LRRC28: variants seen among roughly 807,000 people sequenced by gnomAD.
LRRC28 encodes leucine rich repeat containing 28.
Under a neutral mutation model 45.7 loss-of-function variants are expected in LRRC28, and 39 were observed. The observed-to-expected ratio is 0.85, with a 90% CI of 0.66 to 1.12. The LOEUF (loss-of-function observed/expected upper bound fraction) is 1.12. Among genes scored for constraint, LRRC28 ranks in the 50% most tolerant of loss-of-function variants. LRRC28 has a pLI of 0.00. For synonymous variants in LRRC28, 206 were observed against 178.8 expected (o/e 1.15, Z -1.22); for missense variants, 435 against 438.5 (o/e 0.99, Z 0.07).
chr15:99,255,962 C>T lies in LRRC28; in HGVS notation c.5C>T (p.Ala2Val), dbSNP rs539126226. Residue 2 changes from alanine (A) to valine (V), a missense_variant, in exon 2 of 10, where the codon GCG becomes GTG. Ala to Val is a moderately conservative substitution (Grantham distance 64, BLOSUM62 0). Transcript: ENST00000301981. MASELCKTISVA... is the reference protein window; with the variant it reads MVSELCKTISVA... ...CCTGATGGGATATATTCAGTCATGG[C>T]GTCCGAACTTTGTAAGACGATCTCT... 8 of 1,611,526 alleles carry T rather than the reference C, an allele frequency of 5.0e-6. No homozygotes were observed. The highest frequency in any genetic ancestry group is 5.1e-6 in the Non-Finnish European group (6 of 1,179,662).
In LRRC28 at chr15:99,259,079, G is replaced by C. The variant is rs2081113854; in HGVS notation, c.168+2954G>C. The C allele has an allele frequency of 2.8e-6, 3 of 1,073,344 alleles. No individual in the cohort carries two copies. In the East Asian group the frequency reaches 7.1e-5, roughly 25 times the overall value. 66.5% of individuals were successfully genotyped at this position (1,073,344 alleles called of 1,614,324 possible). On this transcript the variant is annotated intron_variant, in intron 2 of 9. Transcript: ENST00000301981. ...CAATGATACTTTTTGGAAAGAATTTGGTACCAACATTAAGCTTGGTGTAAT... is the reference window on the plus strand; with the variant it reads ...CAATGATACTTTTTGGAAAGAATTTCGTACCAACATTAAGCTTGGTGTAAT...
intron 5 of LRRC28, among the ~76,000 whole-genome samples, chr15:99,309,421 T>A (rs1384558941): frequency 6.6e-6 from 1 of 152,196 alleles, no homozygotes; most frequent in East Asian, 1.9e-4. Context: ...TTTTTTTTCT[T>A]TTTTTGAGAT....
intron 9 of LRRC28, among the ~76,000 whole-genome samples, chr15:99,371,334 A>T (rs528769403): frequency 6.6e-6 from 1 of 152,238 alleles, no homozygotes; most frequent in Non-Finnish European, 1.5e-5. Flanking sequence ...TCTTTCAGGA[A>T]TTCTTGGTCT....
chr15:99,341,081 G>C (rs555280558), intron 6 of LRRC28, among the ~76,000 whole-genome samples: 2 of 127,046 alleles, frequency 1.6e-5, no homozygotes, highest in Non-Finnish European at 3.2e-5. Flanking sequence ...CTATTCTACT[G>C]TCTTTTTTTT....
Position 99,388,433 on chromosome 15 carries a change from C to T in LRRC28, c.*2331C>T, listed in dbSNP as rs1204610763. The T allele has an allele frequency of 6.6e-6, 1 of 152,248 alleles. No homozygotes were observed. The highest frequency in any genetic ancestry group is 2.4e-5 in the African/African-American group (1 of 41,462). 9.4% of individuals were successfully genotyped at this position (152,248 alleles called of 1,614,324 possible). ...TTATGAACTACGGTGTGTTAAACAA[C>T]AGCAGTGGGCTGGGCAGACAACCTT... On this transcript the variant is annotated 3_prime_UTR_variant, in exon 10 of 10. Transcript: ENST00000301981.
chr15:99,374,471 A>G (rs1957568172), intron 9 of LRRC28, among the ~76,000 whole-genome samples: 1 of 152,136 alleles, frequency 6.6e-6, no homozygotes, highest in African/African-American at 2.4e-5. Context: ...CTGAACTGGC[A>G]TATTAGTTCT....
intron 6 of LRRC28, among the ~76,000 whole-genome samples, chr15:99,341,043 T>C (rs1956489884): frequency 6.6e-6 from 1 of 151,944 alleles, no homozygotes; most frequent in East Asian, 1.9e-4. Context: ...AACTCTTCTT[T>C]ATCCTTGTTC....
At chr15:99,361,217 T>C (rs1957190187) in intron 7 of LRRC28, 119 bp from the exon 8 acceptor site, 14 of 1,226,188 alleles carry the variant, frequency 1.1e-5, no homozygotes, top group Non-Finnish European at 1.6e-5. Context: ...TTGAAAAGAA[T>C]TCTGGCAATT....
At chr15:99,343,304 C>G (rs1212508433) in intron 6 of LRRC28, among the ~76,000 whole-genome samples, 1 of 152,198 alleles carries the variant, frequency 6.6e-6, no homozygotes, top group Non-Finnish European at 1.5e-5. Flanking sequence ...AACACAGATC[C>G]TGTTCTGTCC....
chr15:99,339,714 GAA>G (rs552093424), intron 6 of LRRC28, among the ~76,000 whole-genome samples: 2 of 134,138 alleles, frequency 1.5e-5, no homozygotes, highest in African/African-American at 2.7e-5. Context: ...AACAGAGTGA[GAA>G]AAAAAAAAAA....
intron 5 of LRRC28, among the ~76,000 whole-genome samples, chr15:99,314,361 T>C (rs1186877676): frequency 6.6e-6 from 1 of 151,878 alleles, no homozygotes; most frequent in East Asian, 1.9e-4. Context: ...TCACTTAAGC[T>C]TGGGAGGTTA....
chr15:99,304,263 T>G (rs1236762451), intron 5 of LRRC28, among the ~76,000 whole-genome samples: 2 of 152,224 alleles, frequency 1.3e-5, no homozygotes, highest in Non-Finnish European at 2.9e-5. Context: ...TGTCAACTTT[T>G]GTCAACCCCT....
Position 99,388,618 on chromosome 15 carries a change from C to T in LRRC28, c.*2516C>T, listed in dbSNP as rs529676122. ...TGATACTATAAAGGAGTCTTACCAACTGGAGAAAATTTGCCTACATGCTAT... is the reference window on the plus strand; with the variant it reads ...TGATACTATAAAGGAGTCTTACCAATTGGAGAAAATTTGCCTACATGCTAT... On this transcript the variant is annotated 3_prime_UTR_variant, in exon 10 of 10. Coordinates refer to ENST00000301981, the MANE Select transcript of LRRC28 (RefSeq NM_144598.5). The T allele has an allele frequency of 1.3e-5, 2 of 152,204 alleles. No homozygotes were observed. Among genetic ancestry groups the T allele is most frequent in the Admixed American group, 6.5e-5 (1 of 15,288 alleles). 9.4% of individuals were successfully genotyped at this position (152,204 alleles called of 1,614,324 possible). A position where few individuals can be genotyped will look rare whatever the true frequency, so the allele number is the denominator to read the frequency against.
At chr15:99,330,440 T>C (rs1269825926) in intron 5 of LRRC28, among the ~76,000 whole-genome samples, 2 of 152,222 alleles carry the variant, frequency 1.3e-5, no homozygotes, top group African/African-American at 4.8e-5. Context: ...TATATATTTA[T>C]AGTTGACTTA....
intron 5 of LRRC28, among the ~76,000 whole-genome samples, chr15:99,323,539 T>C (rs2152280531): frequency 6.6e-6 from 1 of 152,330 alleles, no homozygotes; most frequent in East Asian, 1.9e-4. Context: ...TCTGAATTGC[T>C]TTTAATTTTT....
chr15:99,331,569 C>T (rs187546596), intron 5 of LRRC28, among the ~76,000 whole-genome samples: 23 of 152,256 alleles, frequency 1.5e-4, no homozygotes, highest in Admixed American at 1.4e-3. Context: ...CCTGTCTAGC[C>T]TTTCCAAAAA....
intron 6 of LRRC28, among the ~76,000 whole-genome samples, chr15:99,352,129 C>T (rs1285831838): frequency 3.9e-5 from 6 of 152,174 alleles, no homozygotes; most frequent in Non-Finnish European, 5.9e-5. Flanking sequence ...AGGGTCCACA[C>T]GTGGACCTAG....
intron 9 of LRRC28, among the ~76,000 whole-genome samples, chr15:99,380,627 A>G (rs1222041724): frequency 3.9e-5 from 6 of 152,190 alleles, no homozygotes; most frequent in South Asian, 2.1e-4. Flanking sequence ...TCTTCCTAGC[A>G]TCTATGGTCT....
chr15:99,377,482 T>C (rs1199679550), intron 9 of LRRC28, among the ~76,000 whole-genome samples: 1 of 152,224 alleles, frequency 6.6e-6, no homozygotes, highest in Non-Finnish European at 1.5e-5. Context: ...TTTTCTCCCA[T>C]TCTATAGGTT....
Sources: gnomAD v4.1 joint callset for allele counts (sites outside exome capture counted in the v4.1 genomes callset) on GRCh38, gnomAD v4.1.1 for gene constraint, MANE v1.5 for transcripts, NCBI Gene and HGNC (gene_info 2026-07-23, HGNC 2026-07-21) for gene names.